JAZF1: variants seen among roughly 807,000 people sequenced by gnomAD.
The protein encoded by JAZF1 is JAZF zinc finger 1.
Under a neutral mutation model 26.4 loss-of-function variants are expected in JAZF1, and 8 were observed. The ratio of observed to expected loss-of-function variants is 0.30; its 90% CI spans 0.18 to 0.55. JAZF1 has a LOEUF of 0.55. JAZF1 is among the 20% of genes least tolerant of loss of function. JAZF1 has a pLI of 0.94. For synonymous variants in JAZF1, 126 were observed against 122.3 expected, an observed-to-expected ratio of 1.03 and a Z score of -0.20; for missense variants, 199 against 322.0, an observed-to-expected ratio of 0.62 and a Z score of 2.92.
intron 1 of JAZF1, among the ~76,000 whole-genome samples, chr7:28,073,423 A>ACT (rs1784006683): frequency 6.6e-6 from 1 of 152,122 alleles, no homozygotes; most frequent in Non-Finnish European, 1.5e-5. Flanking sequence ...GCACCCAAGG[A>ACT]CTGAAAATCA....
At chr7:28,173,643 G>A (rs1037988147) in intron 1 of JAZF1, among the ~76,000 whole-genome samples, 1 of 152,012 alleles carries the variant, frequency 6.6e-6, no homozygotes, top group African/African-American at 2.4e-5. Flanking sequence ...TCAGGAGAAA[G>A]TCACCATTGT....
intron 2 of JAZF1, among the ~76,000 whole-genome samples, chr7:27,978,263 C>A (rs1785509821): frequency 6.6e-6 from 1 of 152,140 alleles, no homozygotes; most frequent in Non-Finnish European, 1.5e-5. Context: ...GGATTCGAAC[C>A]TAAACAGTCT....
Position 27,832,962 on chromosome 7 carries a change from T to G in JAZF1, c.570A>C (p.Ile190=). 6.3e-7 allele frequency: 1 copy of G among 1,588,226 alleles called. No homozygotes were observed. The highest frequency in any genetic ancestry group is 8.6e-7 in the Non-Finnish European group (1 of 1,168,118). Residue 190 remains isoleucine, a synonymous_variant, in exon 5 of 5, where the codon ATA becomes ATC. Coordinates refer to ENST00000283928, the MANE Select transcript of JAZF1 (RefSeq NM_175061.4). ...CKKRYKNVNG[I]KYHAKNGHRT... The stretch of plus-strand genomic sequence containing the variant: ...TGTGACCATTCTTAGCGTGATACTT[T>G]ATGCCATTCACATTCTGTGGAGAAG...
chr7:28,150,503 G>A (rs376947109), intron 1 of JAZF1, among the ~76,000 whole-genome samples: 2 of 152,212 alleles, frequency 1.3e-5, no homozygotes, highest in African/African-American at 2.4e-5. Flanking sequence ...CACAAATGCC[G>A]CCGTATCTAA....
At chr7:28,161,257 TAAAAAAA>T (rs10630786) in intron 1 of JAZF1, among the ~76,000 whole-genome samples, 1 of 77,180 alleles carries the variant, frequency 1.3e-5, no homozygotes. Flanking sequence ...TCCTTTAATC[TAAAAAAA>T]AAAAAAAAAA....
intron 1 of JAZF1, among the ~76,000 whole-genome samples, chr7:27,993,443 T>C (rs1312667757): frequency 1.3e-5 from 2 of 152,204 alleles, no homozygotes; most frequent in Non-Finnish European, 1.5e-5. Flanking sequence ...AACGCAGTTT[T>C]CAAACGTAAC....
At chr7:28,152,665 T>A (rs2127949015) in intron 1 of JAZF1, among the ~76,000 whole-genome samples, 1 of 152,258 alleles carries the variant, frequency 6.6e-6, no homozygotes, top group East Asian at 1.9e-4. Context: ...AAAATTCGAC[T>A]CAGGAAATAC....
chr7:27,937,598 A>G (rs865953412), intron 2 of JAZF1, among the ~76,000 whole-genome samples: 31 of 152,286 alleles, frequency 2.0e-4, no homozygotes, highest in Admixed American at 6.5e-4. Flanking sequence ...ACACTCAAAA[A>G]CCTGTAGAAT....
chr7:28,094,551 CT>C (rs1165159072), intron 1 of JAZF1, among the ~76,000 whole-genome samples: 1 of 152,184 alleles, frequency 6.6e-6, no homozygotes, highest in African/African-American at 2.4e-5. Context: ...ACATTAATAA[CT>C]TCTGTCTCCA....
At chr7:28,091,118 G>T (rs1009313582) in intron 1 of JAZF1, among the ~76,000 whole-genome samples, 1 of 151,938 alleles carries the variant, frequency 6.6e-6, no homozygotes, top group African/African-American at 2.4e-5. Context: ...GAGCCACCGC[G>T]CCCGGCCTTT....
chr7:27,854,780 TTC>T (rs562225029), intron 3 of JAZF1, among the ~76,000 whole-genome samples: 40 of 152,340 alleles, frequency 2.6e-4, no homozygotes, highest in Non-Finnish European at 5.1e-4. Context: ...AACCTGACCT[TTC>T]TCTCTGTCTG....
chr7:28,088,847 G>A (rs760060490), intron 1 of JAZF1, among the ~76,000 whole-genome samples: 8 of 152,132 alleles, frequency 5.3e-5, no homozygotes, highest in Non-Finnish European at 1.2e-4. Flanking sequence ...ATCTCTCTCA[G>A]GATAAATTCA....
At chr7:27,972,726 A>C (rs907277767) in intron 2 of JAZF1, among the ~76,000 whole-genome samples, 2 of 152,168 alleles carry the variant, frequency 1.3e-5, no homozygotes, top group Admixed American at 6.5e-5. Context: ...ATAAATCATT[A>C]TATATCCGTA....
At chr7:28,037,955 T>C (rs1434734302) in intron 1 of JAZF1, among the ~76,000 whole-genome samples, 1 of 152,214 alleles carries the variant, frequency 6.6e-6, no homozygotes, top group Non-Finnish European at 1.5e-5. Context: ...TATGCATAAA[T>C]TGCTTTACTA....
chr7:28,092,290 C>CCAAAA lies in JAZF1; in HGVS notation c.115+88172_115+88173insTTTTG, dbSNP rs1784310777. Among the ~76,000 whole-genome samples, 50 of 12,802 alleles carry CCAAAA rather than the reference C, an allele frequency of 3.9e-3. 1 individual carries two copies. The highest frequency in any genetic ancestry group is 9.9e-3 in the African/African-American group (46 of 4,646). The allele number at this position is 12,802 out of a possible 152,430, so 8.4% of individuals were successfully genotyped here. A position where few individuals can be genotyped will look rare whatever the true frequency, so the allele number is the denominator to read the frequency against. ...AACATCCCATTTCAGGGACAAAAGG[C>CCAAAA]AAAAAAAAAAAAAAAAAAAAAAAAA... On this transcript the variant is annotated intron_variant, in intron 1 of 4. Coordinates refer to ENST00000283928, the MANE Select transcript of JAZF1 (RefSeq NM_175061.4).
At chr7:27,921,897 T>C (rs985427538) in intron 2 of JAZF1, among the ~76,000 whole-genome samples, 5 of 152,124 alleles carry the variant, frequency 3.3e-5, no homozygotes, top group African/African-American at 1.2e-4. Flanking sequence ...AAAAAGAATT[T>C]ATATCACACC....
rs563675550 is a variant in JAZF1 at position 28,042,423 on chromosome 7, G to C, written c.116-50442C>G. Among the ~76,000 whole-genome samples, 24 of 152,292 alleles carry C rather than the reference G, an allele frequency of 1.6e-4. No individual in the cohort carries two copies. In the East Asian group the frequency reaches 4.6e-3, roughly 29 times the overall value. ...GGGTTCCTGACATGATCAAGTTTTA[G>C]AAAGACCACTGGAAATGGCAGCAGC... On this transcript the variant is annotated intron_variant, in intron 1 of 4. Transcript: ENST00000283928.
At chr7:27,942,826 C>T (rs997111192) in intron 2 of JAZF1, among the ~76,000 whole-genome samples, 6 of 152,160 alleles carry the variant, frequency 3.9e-5, no homozygotes, top group African/African-American at 7.2e-5. Flanking sequence ...TGGCTCTCTG[C>T]TGTGACAAAC....
rs74544449 is a variant in JAZF1 at position 27,974,156 on chromosome 7, C to A, written c.188+17753G>T. Among the ~76,000 whole-genome samples, 1,054 of 152,212 alleles carry A rather than the reference C, an allele frequency of 6.9e-3. 8 individuals are homozygous for A. The highest frequency in any genetic ancestry group is 0.024 in the African/African-American group (1,001 of 41,508). On this transcript the variant is annotated intron_variant, in intron 2 of 4. Transcript: ENST00000283928. ...AATAACGGGCCTGGCACTAGATGAGCTGAGCCTGTACTGAACATTCCCAAA... is the reference window on the plus strand; with the variant it reads ...AATAACGGGCCTGGCACTAGATGAGATGAGCCTGTACTGAACATTCCCAAA...
Sources: allele counts gnomAD v4.1 joint callset (sites outside exome capture counted in the v4.1 genomes callset), GRCh38; gene constraint gnomAD v4.1.1; transcripts MANE v1.5; gene names NCBI Gene and HGNC (gene_info 2026-07-23, HGNC 2026-07-21).